JAZF1: variants seen among roughly 807,000 people sequenced by gnomAD.
JAZF1 encodes JAZF zinc finger 1, also known as juxtaposed with another zinc finger protein 1.
JAZF1 carries 8 observed loss-of-function variants against 26.4 expected under a neutral mutation model. The observed-to-expected ratio is 0.30, with a 90% CI of 0.18 to 0.55. The LOEUF is 0.55. Ranked by LOEUF, JAZF1 falls within the 20% of genes least tolerant of loss-of-function variation. JAZF1 has a pLI of 0.94. For synonymous variants in JAZF1, 126 were observed against 122.3 expected (o/e 1.03, Z -0.20); for missense variants, 199 against 322.0 (o/e 0.62, Z 2.92).
intron 1 of JAZF1, among the ~76,000 whole-genome samples, chr7:28,104,156 C>A (rs1023830997): frequency 6.6e-6 from 1 of 152,152 alleles, no homozygotes; most frequent in Non-Finnish European, 1.5e-5. Context: ...CAGGTCATTA[C>A]TCAAATGTCT....
chr7:27,903,818 C>T (rs909270264), intron 2 of JAZF1, among the ~76,000 whole-genome samples: 1 of 152,236 alleles, frequency 6.6e-6, no homozygotes, highest in Non-Finnish European at 1.5e-5. Flanking sequence ...GCTCTGACTT[C>T]GTCTGCTAGC....
chr7:28,127,365 G>A (rs1400250790), intron 1 of JAZF1, among the ~76,000 whole-genome samples: 5 of 152,168 alleles, frequency 3.3e-5, no homozygotes, highest in East Asian at 1.9e-4. Context: ...TGTGGAAGTG[G>A]GATGGAACCT....
At chr7:27,867,055 G>T (rs1783485190) in intron 3 of JAZF1, among the ~76,000 whole-genome samples, 1 of 152,206 alleles carries the variant, frequency 6.6e-6, no homozygotes, top group Non-Finnish European at 1.5e-5. Context: ...TGTCTGCACT[G>T]CGGCAGCCCT....
At chr7:28,032,430 T>G (rs1478276358) in intron 1 of JAZF1, among the ~76,000 whole-genome samples, 1 of 152,170 alleles carries the variant, frequency 6.6e-6, no homozygotes, top group Non-Finnish European at 1.5e-5. Context: ...CATCTTATAG[T>G]TTTGGAATTA....
chr7:27,944,860 G>GAA (rs552090458), intron 2 of JAZF1, among the ~76,000 whole-genome samples: 1 of 149,730 alleles, frequency 6.7e-6, no homozygotes, highest in African/African-American at 2.4e-5. Flanking sequence ...CCAAGGGACA[G>GAA]AAAAAAAAAA....
At chr7:28,155,057 G>T (rs1040146536) in intron 1 of JAZF1, among the ~76,000 whole-genome samples, 1 of 152,120 alleles carries the variant, frequency 6.6e-6, no homozygotes, top group Non-Finnish European at 1.5e-5. Context: ...AAATTTGGTT[G>T]CAAGTACTTT....
chr7:28,153,140 G>A (rs1783134216), intron 1 of JAZF1, among the ~76,000 whole-genome samples: 1 of 152,120 alleles, frequency 6.6e-6, no homozygotes, highest in African/African-American at 2.4e-5. Context: ...GGCCCTATGA[G>A]CAGTGTGGGG....
At chr7:28,171,227 A>G (rs974849987) in intron 1 of JAZF1, among the ~76,000 whole-genome samples, 9 of 152,230 alleles carry the variant, frequency 5.9e-5, no homozygotes, top group African/African-American at 2.2e-4. Context: ...ATCAGCTTTA[A>G]AAAGAGTCTC....
At chr7:28,169,704 T>C (rs1404491179) in intron 1 of JAZF1, among the ~76,000 whole-genome samples, 1 of 152,226 alleles carries the variant, frequency 6.6e-6, no homozygotes, top group Non-Finnish European at 1.5e-5. Flanking sequence ...GTTTGATACC[T>C]GAGGAAGCCT....
At chr7:28,027,811 C>CA (rs374431337) in intron 1 of JAZF1, among the ~76,000 whole-genome samples, 3 of 152,234 alleles carry the variant, frequency 2.0e-5, no homozygotes, top group African/African-American at 7.2e-5. Context: ...AGCTATGTAC[C>CA]ATCAAAAAGT....
chr7:27,991,871 A>C, intron 2 of JAZF1, 38 bp downstream of exon 2: 1 of 1,050,168 alleles, frequency 9.5e-7, no homozygotes. Context: ...TAAGCAGCAG[A>C]TATAAGGTTG....
chr7:28,090,147 C>G (rs1178683641), intron 1 of JAZF1, among the ~76,000 whole-genome samples: 1 of 152,216 alleles, frequency 6.6e-6, no homozygotes, highest in African/African-American at 2.4e-5. Flanking sequence ...TTAAACCACA[C>G]TTTCCTCAAC....
intron 1 of JAZF1, among the ~76,000 whole-genome samples, chr7:28,018,252 C>T (rs1429066740): frequency 2.6e-5 from 4 of 152,046 alleles, no homozygotes; most frequent in East Asian, 1.9e-4. Flanking sequence ...GGCCTGGAGG[C>T]GGAAATGTGC....
Position 27,848,187 on chromosome 7 carries a change from C to A in JAZF1, c.386-7320G>T, listed in dbSNP as rs11981857. Among the ~76,000 whole-genome samples the A allele has an allele frequency of 2.0e-5, 3 of 152,062 alleles. No homozygotes were observed. The East Asian group carries it at 5.8e-4, about 29-fold the overall frequency. Reference sequence around the variant, plus strand: ...TTTTAAGAACATTCATTCTTCTGATCCATGAGCAAGGGATATTTTTCATTT... The same window carrying A: ...TTTTAAGAACATTCATTCTTCTGATACATGAGCAAGGGATATTTTTCATTT... On this transcript the variant is annotated intron_variant, in intron 3 of 4. Transcript: ENST00000283928.
chr7:27,856,676 T>C (rs193100958), intron 3 of JAZF1, among the ~76,000 whole-genome samples: 1,917 of 152,284 alleles, frequency 0.013, 20 homozygotes, highest in Middle Eastern at 0.031. Context: ...AGAGTGTCGA[T>C]TGGTGTATTT....
chr7:27,929,994 C>CTCTCTT (rs1784662390), intron 2 of JAZF1, among the ~76,000 whole-genome samples: 3 of 150,776 alleles, frequency 2.0e-5, no homozygotes, highest in Non-Finnish European at 4.4e-5. Flanking sequence ...CTCTCTCTCT[C>CTCTCTT]TCTTTCTTTC....
chr7:28,011,221 A>G (rs1418764151), intron 1 of JAZF1, among the ~76,000 whole-genome samples: 1 of 152,194 alleles, frequency 6.6e-6, no homozygotes, highest in Non-Finnish European at 1.5e-5. Flanking sequence ...AAAAAAGATA[A>G]TCACCTAGAG....
At chr7:28,178,385 G>C (rs553504408) in intron 1 of JAZF1, among the ~76,000 whole-genome samples, 100 of 152,128 alleles carry the variant, frequency 6.6e-4, no homozygotes, top group Non-Finnish European at 1.2e-3. Context: ...TGTCTAAGTA[G>C]GTAGGCAATG....
intron 2 of JAZF1, among the ~76,000 whole-genome samples, chr7:27,951,357 C>A (rs1281812635): frequency 3.9e-5 from 6 of 152,232 alleles, no homozygotes; most frequent in African/African-American, 1.4e-4. Context: ...GTACTATTAC[C>A]TTAAGAAATT....
Sources: allele counts gnomAD v4.1 joint callset (sites outside exome capture counted in the v4.1 genomes callset), GRCh38; gene constraint gnomAD v4.1.1; transcripts MANE v1.5; gene names NCBI Gene and HGNC (gene_info 2026-07-23, HGNC 2026-07-21).